Variants in CNTLN observed in about 807,000 individuals in gnomAD.
CNTLN encodes centlein, centrosomal protein.
In CNTLN, 212 loss-of-function variants were observed where a neutral mutation model predicts 180.0. The ratio of observed to expected loss-of-function variants is 1.18; its 90% CI spans 1.05 to 1.32. The LOEUF (loss-of-function observed/expected upper bound fraction) is 1.32. Ranked by LOEUF, CNTLN falls within the 40% of genes most tolerant of loss-of-function variation. CNTLN has a pLI of 0.00. For synonymous variants in CNTLN, 722 were observed against 563.1 expected (o/e 1.28, Z -3.99); for missense variants, 2,095 against 1,610.9 (o/e 1.30, Z -5.14).
At chr9:17,412,856 C>T (rs912323716) in intron 16 of CNTLN, among the ~76,000 whole-genome samples, 4 of 152,086 alleles carry the variant, frequency 2.6e-5, no homozygotes, top group Non-Finnish European at 5.9e-5. Flanking sequence ...CAATTATGGA[C>T]AGGCCTAAAA....
At chr9:17,499,735 A>T (rs997033139) in intron 25 of CNTLN, among the ~76,000 whole-genome samples, 3 of 152,136 alleles carry the variant, frequency 2.0e-5, no homozygotes, top group Non-Finnish European at 2.9e-5. Flanking sequence ...ATTTGTTTCA[A>T]TTATTAACTA....
chr9:17,507,520 T>C (rs1173605252), downstream of CNTLN, among the ~76,000 whole-genome samples: 1 of 152,212 alleles, frequency 6.6e-6, no homozygotes, highest in African/African-American at 2.4e-5. Flanking sequence ...CTAATTGGGT[T>C]ACTGGGTCAA....
At chr9:17,247,835 T>TA (rs1359439194) in intron 5 of CNTLN, among the ~76,000 whole-genome samples, 1 of 95,032 alleles carries the variant, frequency 1.1e-5, no homozygotes, top group African/African-American at 4.6e-5. Flanking sequence ...CTGTTCTTTC[T>TA]TTTTTTTTTT....
chr9:17,176,638 G>A lies in CNTLN; in HGVS notation c.449+33262G>A, dbSNP rs531745941. On this transcript the variant is annotated intron_variant, in intron 2 of 25. Transcript: ENST00000380647. The stretch of plus-strand genomic sequence containing the variant: ...GTGGTGCTTTCTCTTCTGTTTTCTG[G>A]AACAAATTGTGTAGAGTTGATGTTA... Among the ~76,000 whole-genome samples, 3 of 152,262 alleles carry A rather than the reference G, an allele frequency of 2.0e-5. No homozygotes were observed. The South Asian group carries it at 6.2e-4, about 32-fold the overall frequency.
intron 6 of CNTLN, among the ~76,000 whole-genome samples, chr9:17,295,324 G>C (rs1310793217): frequency 6.6e-6 from 1 of 152,196 alleles, no homozygotes; most frequent in Non-Finnish European, 1.5e-5. Flanking sequence ...GCCAGAGTGG[G>C]CGCCGAGGCC....
intron 2 of CNTLN, among the ~76,000 whole-genome samples, chr9:17,206,242 A>T (rs1302381731): frequency 2.0e-5 from 3 of 152,156 alleles, no homozygotes; most frequent in African/African-American, 7.2e-5. Context: ...CAAACCAAAC[A>T]GTCTATTTTT....
intron 13 of CNTLN, among the ~76,000 whole-genome samples, chr9:17,386,020 C>A (rs939115172): frequency 6.6e-6 from 1 of 152,110 alleles, no homozygotes; most frequent in Non-Finnish European, 1.5e-5. Context: ...ATTGCCCATA[C>A]AATAAGTTGA....
chr9:17,266,184 A>C (rs1300766322), intron 5 of CNTLN, among the ~76,000 whole-genome samples: 1 of 152,020 alleles, frequency 6.6e-6, no homozygotes, highest in African/African-American at 2.4e-5. Context: ...TAGTGCTATA[A>C]ATTTCCTTCT....
In CNTLN at chr9:17,136,386, G is replaced by T. The variant is rs1404441352; in HGVS notation, c.360+961G>T. On this transcript the variant is annotated intron_variant, in intron 1 of 25. Coordinates refer to ENST00000380647, the MANE Select transcript of CNTLN (RefSeq NM_017738.4). The stretch of plus-strand genomic sequence containing the variant: ...TCTCTGTCGCCCAGGCTGGAGTGCA[G>T]TGGTGCAGTCTCAGCTCACTGCAAG... Among the ~76,000 whole-genome samples, 6 of 152,366 alleles carry T rather than the reference G, an allele frequency of 3.9e-5. No individual in the cohort carries two copies. In the East Asian group the frequency reaches 1.2e-3, roughly 29 times the overall value.
chr9:17,304,190 G>T (rs1818554397), intron 7 of CNTLN, among the ~76,000 whole-genome samples: 2 of 152,116 alleles, frequency 1.3e-5, no homozygotes, highest in Admixed American at 1.3e-4. Context: ...GAGTCATATT[G>T]TCCCAGAGCT....
Position 17,226,241 on chromosome 9 carries a change from T to C in CNTLN, c.488T>C (p.Leu163Pro), listed in dbSNP as rs1348159447. Residue 163 changes from leucine to proline, a missense_variant, in exon 3 of 26, where the codon CTA becomes CCA. Coordinates refer to ENST00000380647, the MANE Select transcript of CNTLN (RefSeq NM_017738.4). ...TCTGAAGCTAAAGACAGAAAAGTTC[T>C]AGAAATTCTGCAAGTCAAGGATGCC... ...QKSEAKDRKV[L>P]EILQVKDAKI... 1.9e-6 allele frequency: 3 copies of C among 1,581,914 alleles called. No homozygotes were observed.
At position 17,239,296 on chromosome 9, in the gene CNTLN, C is replaced by T. The variant is rs190064974; in HGVS notation, c.849+2708C>T. 5.1e-3 allele frequency among the ~76,000 whole-genome samples: 772 copies of T among 152,246 alleles called. 5 individuals are homozygous for T. The highest frequency in any genetic ancestry group is 8.0e-3 in the Admixed American group (122 of 15,290). On this transcript the variant is annotated intron_variant, in intron 5 of 25. Coordinates refer to ENST00000380647, the MANE Select transcript of CNTLN (RefSeq NM_017738.4). Reference sequence around the variant, plus strand: ...TTTGCATTTTCCTGATGGGAAATGACGGTGAGCATCTTTTCATGTATTACT... The same window carrying T: ...TTTGCATTTTCCTGATGGGAAATGATGGTGAGCATCTTTTCATGTATTACT...
At chr9:17,145,138 G>T (rs141480109) in intron 2 of CNTLN, among the ~76,000 whole-genome samples, 4 of 150,092 alleles carry the variant, frequency 2.7e-5, no homozygotes, top group African/African-American at 9.8e-5. Context: ...ACCGCACCCG[G>T]CCTGGAGAAT....
At chr9:17,280,401 G>A (rs907403979) in intron 6 of CNTLN, among the ~76,000 whole-genome samples, 14 of 152,170 alleles carry the variant, frequency 9.2e-5, no homozygotes, top group Admixed American at 2.0e-4. Context: ...TGGATTTAAA[G>A]CTATGATGGC....
chr9:17,429,156 CT>C (rs1212495300), intron 18 of CNTLN, among the ~76,000 whole-genome samples: 1 of 151,988 alleles, frequency 6.6e-6, no homozygotes, highest in Non-Finnish European at 1.5e-5. Context: ...TATGAGCCAA[CT>C]GTGGAAGTAG....
chr9:17,487,200 G>T, intron 25 of CNTLN, 134 bp downstream of exon 25: 1 of 679,620 alleles, frequency 1.5e-6, no homozygotes. Context: ...TATTCCAATA[G>T]GTAGAAAGGA....
At chr9:17,333,074 T>C (rs1407914603) in intron 10 of CNTLN, among the ~76,000 whole-genome samples, 2 of 152,074 alleles carry the variant, frequency 1.3e-5, no homozygotes, top group Non-Finnish European at 2.9e-5. Flanking sequence ...ATGATAAACA[T>C]ATGTAAATGA....
At chr9:17,281,924 T>A (rs908064076) in intron 6 of CNTLN, among the ~76,000 whole-genome samples, 3 of 152,124 alleles carry the variant, frequency 2.0e-5, no homozygotes, top group African/African-American at 7.2e-5. Flanking sequence ...AAAGCGTTCC[T>A]GTTTCTCCAC....
intron 5 of CNTLN, among the ~76,000 whole-genome samples, chr9:17,250,237 T>A (rs1483399156): frequency 2.0e-5 from 3 of 152,082 alleles, no homozygotes; most frequent in African/African-American, 7.2e-5. Context: ...ATGTTCCTTT[T>A]AACTTGTTTG....
Sources: gnomAD v4.1 joint callset for allele counts (sites outside exome capture counted in the v4.1 genomes callset) on GRCh38, gnomAD v4.1.1 for gene constraint, MANE v1.5 for transcripts, NCBI Gene and HGNC (gene_info 2026-07-23, HGNC 2026-07-21) for gene names.